The following ANKRD30BL variants were observed in gnomAD, a reference collection of about 807,000 sequenced individuals.
ANKRD30BL encodes putative ankyrin repeat domain-containing protein 30B-like.
ANKRD30BL carries 20 observed loss-of-function variants against 18.4 expected under a neutral mutation model. The ratio of observed to expected loss-of-function variants is 1.09; its 90% CI spans 0.77 to 1.58. ANKRD30BL has a LOEUF of 1.58. ANKRD30BL is among the 40% of genes most tolerant of loss of function. ANKRD30BL has a pLI of 0.00. For missense variants in ANKRD30BL, 224 were observed against 268.6 expected, an observed-to-expected ratio of 0.83 and a Z score of 1.16; for synonymous variants, 72 against 100.9, an observed-to-expected ratio of 0.71 and a Z score of 1.72.
rs552595238 is a variant in ANKRD30BL at position 132,181,371 on chromosome 2, G to T, written n.442-24225C>A. ...TGCCTGTAATCCCAGCTACCTGAGA[G>T]GCTGAGCATGAGAATCACTTGAACC... On this transcript the variant is annotated intron_variant and non_coding_transcript_variant, in intron 1 of 4. Transcript: ENST00000470729. Among the ~76,000 whole-genome samples the T allele has an allele frequency of 3.3e-5, 5 of 151,982 alleles. No individual in the cohort carries two copies. In the East Asian group the frequency reaches 7.8e-4, roughly 24 times the overall value.
chr2:132,222,136 C>T (rs576083425), intron 1 of ANKRD30BL, among the ~76,000 whole-genome samples: 75 of 147,788 alleles, frequency 5.1e-4, no homozygotes, highest in South Asian at 1.1e-3. Flanking sequence ...AGGTGAGGGG[C>T]GCCTCTGCCC....
At chr2:132,195,179 T>C (rs1381361565) in intron 1 of ANKRD30BL, among the ~76,000 whole-genome samples, 1 of 151,860 alleles carries the variant, frequency 6.6e-6, no homozygotes, top group African/African-American at 2.4e-5. Flanking sequence ...CTATAAAGAG[T>C]CTCCATTTAG....
In ANKRD30BL at chr2:132,247,387, G is replaced by A. The variant is rs535201518; in HGVS notation, n.441+10142C>T. Among the ~76,000 whole-genome samples, 4 of 151,900 alleles carry A rather than the reference G, an allele frequency of 2.6e-5. No homozygotes were observed. In the South Asian group the frequency reaches 6.2e-4, roughly 24 times the overall value. On this transcript the variant is annotated intron_variant and non_coding_transcript_variant, in intron 1 of 4. Coordinates refer to the ANKRD30BL transcript ENST00000470729. ...GTGATGTGTGTAATCAACTGATGGA[G>A]TTGAGCCTTTCCTTTGCTACAGCAG... is the stretch of plus-strand genomic sequence containing the variant.
At chr2:132,221,558 C>T in intron 1 of ANKRD30BL, among the ~76,000 whole-genome samples, 1 of 134,906 alleles carries the variant, frequency 7.4e-6, no homozygotes, top group South Asian at 2.3e-4. Context: ...GGGGTCAGCC[C>T]CCCGCCCGGC....
At chr2:132,198,622 C>CTT (rs1198235501) in intron 1 of ANKRD30BL, among the ~76,000 whole-genome samples, 29 of 138,114 alleles carry the variant, frequency 2.1e-4, no homozygotes, top group African/African-American at 6.4e-4. Flanking sequence ...AGCGCCCAGC[C>CTT]TTTTTTTTTT....
At chr2:132,185,323 G>T (rs1688544003) in intron 1 of ANKRD30BL, among the ~76,000 whole-genome samples, 1 of 152,166 alleles carries the variant, frequency 6.6e-6, no homozygotes, top group Non-Finnish European at 1.5e-5. Context: ...GAGAGAAGAA[G>T]GCAGTCCCTA....
At chr2:132,182,870 T>C (rs1573821929) in intron 1 of ANKRD30BL, among the ~76,000 whole-genome samples, 1 of 152,158 alleles carries the variant, frequency 6.6e-6, no homozygotes, top group African/African-American at 2.4e-5. Context: ...GTGAATGACA[T>C]AGAACCCCGA....
At chr2:132,257,100 G>T in intron 1 of ANKRD30BL, 1 of 487,382 alleles carries the variant, frequency 2.1e-6, no homozygotes, top group South Asian at 1.5e-5. Flanking sequence ...CGCCTCATGA[G>T]CCCCAGGTCC....
intron 1 of ANKRD30BL, among the ~76,000 whole-genome samples, chr2:132,183,208 T>C (rs1026883657): frequency 3.3e-5 from 5 of 151,742 alleles, no homozygotes; most frequent in African/African-American, 9.7e-5. Flanking sequence ...CTCGGCTCGT[T>C]GTGACCTTTA....
rs190536269 is a variant in ANKRD30BL at position 132,220,292 on chromosome 2, C to A, written n.441+37237G>T. ...AACACTGTTTTTGGCCTCTCCCTCT[C>A]CCTCTCCCTGTCCCTCTCCCTCTCC... is the stretch of plus-strand genomic sequence containing the variant. On this transcript the variant is annotated intron_variant and non_coding_transcript_variant, in intron 1 of 4. Coordinates refer to the ANKRD30BL transcript ENST00000470729. 3.4e-5 allele frequency among the ~76,000 whole-genome samples: 5 copies of A among 146,778 alleles called. No individual in the cohort carries two copies. The East Asian group carries it at 1.1e-3, about 31-fold the overall frequency.
At chr2:132,169,423 C>T (rs1573812858) in intron 1 of ANKRD30BL, among the ~76,000 whole-genome samples, 4 of 146,524 alleles carry the variant, frequency 2.7e-5, no homozygotes, top group South Asian at 4.4e-4. Flanking sequence ...CTGAGGTGGG[C>T]ACATCAGGAG....
At chr2:132,255,308 G>A (rs540683973) in intron 1 of ANKRD30BL, among the ~76,000 whole-genome samples, 4,062 of 150,622 alleles carry the variant, frequency 0.027, 69 homozygotes, top group Non-Finnish European at 0.04. Flanking sequence ...CCTCAGTTCC[G>A]AAAACCAACA....
intron 1 of ANKRD30BL, among the ~76,000 whole-genome samples, chr2:132,251,212 T>C (rs1680638659): frequency 1.3e-5 from 2 of 152,226 alleles, no homozygotes; most frequent in Non-Finnish European, 2.9e-5. Context: ...TCTTCACTAA[T>C]TCCAGTGGTG....
chr2:132,249,050 C>T (rs2633000), intron 1 of ANKRD30BL, among the ~76,000 whole-genome samples: 9 of 151,952 alleles, frequency 5.9e-5, no homozygotes, highest in East Asian at 3.9e-4. Context: ...TGAAAAGAAA[C>T]GTTTACCTCT....
At chr2:132,236,089 A>T (rs1032688889) in intron 1 of ANKRD30BL, among the ~76,000 whole-genome samples, 43 of 152,120 alleles carry the variant, frequency 2.8e-4, no homozygotes, top group African/African-American at 9.9e-4. Flanking sequence ...GCAATGGGGA[A>T]AGGATTCCCT....
intron 1 of ANKRD30BL, among the ~76,000 whole-genome samples, chr2:132,210,172 C>A (rs10200080): frequency 2.7e-5 from 4 of 146,048 alleles, no homozygotes; most frequent in Admixed American, 6.8e-5. Context: ...GAGCGCTTTG[C>A]GGCCTATAGT....
At chr2:132,150,879 C>G (rs144392690) in intron 5 of ANKRD30BL, 33 bp downstream of exon 5, 2 of 586,888 alleles carry the variant, frequency 3.4e-6, no homozygotes, top group Non-Finnish European at 6.0e-6. Flanking sequence ...TATGGTAGCA[C>G]CACCAAGAGT....
At chr2:132,195,241 A>C (rs1230607724) in intron 1 of ANKRD30BL, among the ~76,000 whole-genome samples, 1 of 152,218 alleles carries the variant, frequency 6.6e-6, no homozygotes, top group Non-Finnish European at 1.5e-5. Context: ...AATATACAGA[A>C]GTGTGATTAG....
chr2:132,222,832 T>TTAAAAAAA (rs559303905), intron 1 of ANKRD30BL, among the ~76,000 whole-genome samples: 3 of 52,808 alleles, frequency 5.7e-5, no homozygotes, highest in African/African-American at 1.0e-4. Flanking sequence ...GAATGATCAA[T>TTAAAAAAA]AAAAAAAAAA....
Sources: allele counts gnomAD v4.1 joint callset (sites outside exome capture counted in the v4.1 genomes callset), GRCh38; gene constraint gnomAD v4.1.1; transcripts MANE v1.5; gene names NCBI Gene and HGNC (gene_info 2026-07-23, HGNC 2026-07-21).